Variants in GRIK4 observed in about 807,000 individuals in gnomAD.
GRIK4 encodes the protein glutamate ionotropic receptor kainate type subunit 4, also known as glutamate receptor ionotropic, kainate 4.
GRIK4 carries 40 observed loss-of-function variants against 104.9 expected under a neutral mutation model. That is an observed-to-expected ratio of 0.38 (90% confidence interval 0.30 to 0.50). GRIK4 has a LOEUF of 0.50. Ranked by LOEUF, GRIK4 falls within the 20% of genes least tolerant of loss-of-function variation. GRIK4 has a pLI of 0.93. For synonymous variants in GRIK4, 485 were observed against 524.9 expected (o/e 0.92, Z 1.04); for missense variants, 1,047 against 1,308.1 (o/e 0.80, Z 3.08).
chr11:120,519,771 C>T (rs753592217), intron 1 of GRIK4, among the ~76,000 whole-genome samples: 1 of 151,684 alleles, frequency 6.6e-6, no homozygotes. Flanking sequence ...CCTTTGTGTG[C>T]ATGCATGCAT....
chr11:120,678,514 T>C (rs1950137367), intron 3 of GRIK4, among the ~76,000 whole-genome samples: 1 of 152,148 alleles, frequency 6.6e-6, no homozygotes, highest in Admixed American at 6.5e-5. Context: ...GCCAGCTAAG[T>C]GTACCGGGTG....
intron 8 of GRIK4, chr11:120,858,857 C>T (rs1416271810): frequency 6.6e-6 from 1 of 152,160 alleles, no homozygotes; most frequent in Non-Finnish European, 1.5e-5. Flanking sequence ...TGTAAGGATT[C>T]TTAGATACTA....
chr11:120,644,011 C>CTGTGTG (rs369374873), intron 1 of GRIK4, among the ~76,000 whole-genome samples: 16,074 of 122,600 alleles, frequency 0.13, 1,142 homozygotes, highest in South Asian at 0.23. Context: ...GGGAGAGGGT[C>CTGTGTG]TGTGTGTGTG....
chr11:120,877,398 C>T lies in GRIK4; in HGVS notation c.1164+2155C>T, dbSNP rs189682876. Among the ~76,000 whole-genome samples, 18 of 152,182 alleles carry T rather than the reference C, an allele frequency of 1.2e-4. No individual in the cohort carries two copies. In the East Asian group the frequency reaches 1.4e-3, roughly 11 times the overall value. ...GTCCAGGGAGCCTGACATAGAAAACCGTAAGTGCAAATGTGGGTTATTACA... is the reference window on the plus strand; with the variant it reads ...GTCCAGGGAGCCTGACATAGAAAACTGTAAGTGCAAATGTGGGTTATTACA... On this transcript the variant is annotated intron_variant, in intron 11 of 20. Coordinates refer to ENST00000527524, the MANE Select transcript of GRIK4 (RefSeq NM_014619.5).
rs757180061 is a variant in GRIK4, at chr11:120,982,169, T to C, written c.2459T>C (p.Ile820Thr). The C allele has an allele frequency of 9.0e-5, 145 of 1,613,222 alleles. No homozygotes were observed. The highest frequency in any genetic ancestry group is 1.6e-4 in the Middle Eastern group (1 of 6,082). The change falls in exon 20 of 21, where the codon ATT becomes ACT. Residue 820 changes from isoleucine (I) to threonine (T), a missense_variant. By Grantham distance (89) the Ile-to-Thr change is moderately conservative. Coordinates refer to ENST00000527524, the MANE Select transcript of GRIK4 (RefSeq NM_014619.5). ...VVLICGLIVA[I>T]FMAMLEFLWT... ...CTTATTTGTGGCTTAATCGTGGCCATTTTTATGGCTATGTTGGAGTTTTTA... is the reference window on the plus strand; with the variant it reads ...CTTATTTGTGGCTTAATCGTGGCCACTTTTATGGCTATGTTGGAGTTTTTA...
At chr11:120,970,449 C>T (rs944575474) in intron 19 of GRIK4, among the ~76,000 whole-genome samples, 2 of 152,214 alleles carry the variant, frequency 1.3e-5, no homozygotes, top group African/African-American at 2.4e-5. Context: ...CAACCCTATT[C>T]CATTTGATCT....
chr11:120,617,436 A>AT (rs1205640771), intron 1 of GRIK4, among the ~76,000 whole-genome samples: 1 of 151,964 alleles, frequency 6.6e-6, no homozygotes, highest in African/African-American at 2.4e-5. Flanking sequence ...CTTGAGTGCA[A>AT]TGGCACGATC....
intron 1 of GRIK4, among the ~76,000 whole-genome samples, chr11:120,609,852 T>C (rs992928019): frequency 5.3e-5 from 8 of 152,070 alleles, no homozygotes; most frequent in Admixed American, 2.6e-4. Flanking sequence ...CCTTTCTCCT[T>C]CTACTGCTTT....
At chr11:120,931,700 G>A (rs1943484512) in intron 13 of GRIK4, among the ~76,000 whole-genome samples, 2 of 152,148 alleles carry the variant, frequency 1.3e-5, no homozygotes, top group Non-Finnish European at 2.9e-5. Context: ...TACTGAGTGA[G>A]GTAACATGTA....
chr11:120,594,084 C>T (rs954054223), intron 1 of GRIK4, among the ~76,000 whole-genome samples: 4 of 152,252 alleles, frequency 2.6e-5, no homozygotes, highest in African/African-American at 9.6e-5. Flanking sequence ...GTTCTTCACA[C>T]AGCACAGCAT....
chr11:120,688,817 G>A (rs1950312940), intron 3 of GRIK4, among the ~76,000 whole-genome samples: 1 of 152,182 alleles, frequency 6.6e-6, no homozygotes, highest in South Asian at 2.1e-4. Context: ...GGTTGAACAT[G>A]GGAGTAGCCC....
At chr11:120,611,227 C>T (rs985054812) in intron 1 of GRIK4, among the ~76,000 whole-genome samples, 19 of 152,170 alleles carry the variant, frequency 1.2e-4, no homozygotes, top group African/African-American at 4.1e-4. Context: ...TGTGGAATAG[C>T]GGATAGGATG....
At chr11:120,760,494 C>G (rs183636714) in intron 3 of GRIK4, among the ~76,000 whole-genome samples, 1 of 151,052 alleles carries the variant, frequency 6.6e-6, no homozygotes, top group Non-Finnish European at 1.5e-5. Context: ...ATGTGCAGAA[C>G]GTGCAGGTTT....
chr11:120,796,664 C>A (rs1433011526), intron 3 of GRIK4, among the ~76,000 whole-genome samples: 2 of 152,032 alleles, frequency 1.3e-5, no homozygotes, highest in African/African-American at 2.4e-5. Flanking sequence ...ATGGGCCAGT[C>A]CAGGACTGTA....
At chr11:120,695,100 G>C (rs1463239156) in intron 3 of GRIK4, among the ~76,000 whole-genome samples, 2 of 152,192 alleles carry the variant, frequency 1.3e-5, no homozygotes. Flanking sequence ...CTCTCAAAGA[G>C]GGGGAGCCAG....
At chr11:120,747,968 A>G (rs1355398581) in intron 3 of GRIK4, among the ~76,000 whole-genome samples, 1 of 152,232 alleles carries the variant, frequency 6.6e-6, no homozygotes, top group African/African-American at 2.4e-5. Flanking sequence ...ACCCAAGCCC[A>G]TGATCCAGCA....
intron 3 of GRIK4, among the ~76,000 whole-genome samples, chr11:120,796,502 T>C (rs1448482880): frequency 6.6e-6 from 1 of 150,768 alleles, no homozygotes; most frequent in East Asian, 1.9e-4. Flanking sequence ...GTGGTGGGAG[T>C]TTCTCGGGAA....
At chr11:120,829,378 TAAAA>T (rs141439904) in intron 6 of GRIK4, among the ~76,000 whole-genome samples, 2 of 149,526 alleles carry the variant, frequency 1.3e-5, no homozygotes, top group South Asian at 4.2e-4. Context: ...GGCTGCCCCC[TAAAA>T]AAAAAATTAA....
intron 13 of GRIK4, among the ~76,000 whole-genome samples, chr11:120,927,838 T>A (rs1355704158): frequency 6.6e-6 from 1 of 152,096 alleles, no homozygotes; most frequent in East Asian, 1.9e-4. Flanking sequence ...TGAATTTCTA[T>A]GTAGTCATTT....
Sources: allele counts gnomAD v4.1 joint callset (sites outside exome capture counted in the v4.1 genomes callset), GRCh38; gene constraint gnomAD v4.1.1; transcripts MANE v1.5; gene names NCBI Gene and HGNC (gene_info 2026-07-23, HGNC 2026-07-21).